The following PDRG1 variants were observed in gnomAD, a reference collection of about 807,000 sequenced individuals.
The protein encoded by PDRG1 is p53 and DNA damage-regulated protein 1.
Under a neutral mutation model 18.4 loss-of-function variants are expected in PDRG1, and 14 were observed. The observed-to-expected ratio is 0.76, with a 90% CI of 0.50 to 1.19. The LOEUF is 1.19. PDRG1 is among the 50% of genes most tolerant of loss of function. The pLI is 0.00. For synonymous variants in PDRG1, 65 were observed against 60.9 expected (o/e 1.07, Z -0.31); for missense variants, 177 against 160.1 (o/e 1.11, Z -0.57).
chr20:31,951,805 T>G, intron 1 of PDRG1, 70 bp downstream of exon 1: 1 of 1,482,484 alleles, frequency 6.7e-7, no homozygotes, highest in Non-Finnish European at 9.0e-7. Context: ...CCAGGTCAAC[T>G]CACTGCGACC....
intron 1 of PDRG1, among the ~76,000 whole-genome samples, chr20:31,950,858 G>A (rs1051121874): frequency 2.0e-5 from 3 of 152,142 alleles, no homozygotes; most frequent in Non-Finnish European, 4.4e-5. Flanking sequence ...AGGAAGTGAC[G>A]CAGTAGTACA....
intron 3 of PDRG1, among the ~76,000 whole-genome samples, chr20:31,947,106 C>T (rs2064324320): frequency 6.6e-6 from 1 of 152,214 alleles, no homozygotes; most frequent in African/African-American, 2.4e-5. Context: ...AGAAAAGGGT[C>T]TTCTAGTGTC....
chr20:31,946,376 A>G, intron 4 of PDRG1, 120 bp downstream of exon 4: 1 of 913,406 alleles, frequency 1.1e-6, no homozygotes, highest in Non-Finnish European at 1.8e-6. Context: ...CTCCAGGGCC[A>G]CTCACAGGCT....
At chr20:31,946,704 G>A in intron 3 of PDRG1, 128 bp from the exon 4 acceptor site, 1 of 772,346 alleles carries the variant, frequency 1.3e-6, no homozygotes, top group Admixed American at 2.1e-5. Flanking sequence ...GACATCAGAG[G>A]CCAACTGAGG....
At chr20:31,950,465 G>C (rs763906091) in intron 1 of PDRG1, 78 bp from the exon 2 acceptor site, 28 of 1,071,688 alleles carry the variant, frequency 2.6e-5, no homozygotes, top group Admixed American at 3.6e-5. Flanking sequence ...AAGGGTTGCA[G>C]AGGCAATGCA....
Position 31,951,998 on chromosome 20 carries a change from C to T in PDRG1, c.-37G>A. On this transcript the variant is annotated 5_prime_UTR_variant, in exon 1 of 5. Transcript: ENST00000202017. ...ACTCCGCTTGCGGCTCTCGCGCGAC[C>T]CCGGGATCTCCGCTTCGACTCCCGC... 3 of 1,502,040 alleles carry T rather than the reference C, an allele frequency of 2.0e-6. No individual in the cohort carries two copies. The highest frequency in any genetic ancestry group is 2.7e-6 in the Non-Finnish European group (3 of 1,128,752). The allele number at this position is 1,502,040 out of a possible 1,614,324, so 93.0% of individuals were successfully genotyped here.
rs113129323 is a variant in PDRG1 at position 31,945,437 on chromosome 20, C to G, written c.*370G>C. 2.9e-3 allele frequency: 521 copies of G among 179,862 alleles called. 2 individuals are homozygous for G. Among genetic ancestry groups the G allele is most frequent in the African/African-American group, 0.012 (510 of 42,386 alleles). The allele number at this position is 179,862 out of a possible 1,614,324, so 11.1% of individuals were successfully genotyped here. On this transcript the variant is annotated 3_prime_UTR_variant, in exon 5 of 5. Transcript: ENST00000202017. ...AGGAATGCTGGAATGACACTCCACT[C>G]TGCCCCTCCCTCCCTCCTTCCTTGC...
At chr20:31,950,557 T>G (rs2064346089) in intron 1 of PDRG1, among the ~76,000 whole-genome samples, 170 bp from the exon 2 acceptor site, 1 of 152,246 alleles carries the variant, frequency 6.6e-6, no homozygotes, top group African/African-American at 2.4e-5. Flanking sequence ...CTTCCTGGTC[T>G]TAAAGACAAT....
At chr20:31,951,686 G>A (rs1163732038) in intron 1 of PDRG1, among the ~76,000 whole-genome samples, 189 bp downstream of exon 1, 5 of 152,254 alleles carry the variant, frequency 3.3e-5, no homozygotes, top group Non-Finnish European at 7.3e-5. Context: ...GCAAGGGGCA[G>A]AGAAAGGATG....
At chr20:31,948,417 G>A (rs1016661009) in intron 3 of PDRG1, among the ~76,000 whole-genome samples, 1 of 152,238 alleles carries the variant, frequency 6.6e-6, no homozygotes, top group African/African-American at 2.4e-5. Context: ...ATGCTAAGGT[G>A]CCACTGCTGG....
chr20:31,951,541 T>G (rs371302396), intron 1 of PDRG1, among the ~76,000 whole-genome samples: 1 of 152,124 alleles, frequency 6.6e-6, no homozygotes, highest in African/African-American at 2.4e-5. Flanking sequence ...CAGGCTTCTT[T>G]TCGGTTCCAG....
chr20:31,948,697 G>A (rs1361570361), intron 3 of PDRG1, 111 bp downstream of exon 3: 1 of 984,188 alleles, frequency 1.0e-6, no homozygotes, highest in East Asian at 2.5e-5. Flanking sequence ...TGAACCCTGT[G>A]ACAGAACTGC....
intron 1 of PDRG1, 124 bp downstream of exon 1, chr20:31,951,751 T>C: frequency 9.8e-7 from 1 of 1,023,142 alleles, no homozygotes; most frequent in Middle Eastern, 3.2e-4. Context: ...CGGCCGAATA[T>C]TTATCGGCCC....
intron 3 of PDRG1, 136 bp from the exon 4 acceptor site, chr20:31,946,712 A>T: frequency 1.4e-6 from 1 of 738,256 alleles, no homozygotes. Flanking sequence ...AGGCCAACTG[A>T]GGAAGGATTA....
chr20:31,948,911 C>G, intron 2 of PDRG1, 29 bp from the exon 3 acceptor site: 3 of 1,606,620 alleles, frequency 1.9e-6, no homozygotes, highest in Non-Finnish European at 2.6e-6. Context: ...ATTCCTTCAA[C>G]AATTTTTTTT....
chr20:31,948,585 T>C (rs2064332887), intron 3 of PDRG1, among the ~76,000 whole-genome samples: 1 of 152,126 alleles, frequency 6.6e-6, no homozygotes, highest in Admixed American at 6.5e-5. Flanking sequence ...ACACATATTG[T>C]TTTACCTCAA....
rs1482001735 is a variant in PDRG1, at chr20:31,945,949, C to T, written c.320-60G>A. 1.4e-5 allele frequency: 20 copies of T among 1,426,766 alleles called. No homozygotes were observed. The highest frequency in any genetic ancestry group is 2.0e-5 in the Non-Finnish European group (20 of 1,018,042). 88.4% of individuals were successfully genotyped at this position (1,426,766 alleles called of 1,614,324 possible). A position where few individuals can be genotyped will look rare whatever the true frequency, so the allele number is the denominator to read the frequency against. The stretch of plus-strand genomic sequence containing the variant: ...CTCCTGCTGGCTCTGGAGCCAGGCC[C>T]AGGAAAGGGGCTGACGCTGCACTAA... On this transcript the variant is annotated intron_variant, in intron 4 of 4. Transcript: ENST00000202017.
At chr20:31,951,383 G>A (rs1009001249) in intron 1 of PDRG1, among the ~76,000 whole-genome samples, 1 of 152,210 alleles carries the variant, frequency 6.6e-6, no homozygotes, top group Non-Finnish European at 1.5e-5. Flanking sequence ...GCAGCCAGGG[G>A]GGATCCTTTT....
At chr20:31,949,023 G>A (rs911506464) in intron 2 of PDRG1, 141 bp from the exon 3 acceptor site, 12 of 691,336 alleles carry the variant, frequency 1.7e-5, no homozygotes, top group Non-Finnish European at 2.7e-5. Context: ...GTGGAGGAGA[G>A]AGAATAAAGA....
Sources: allele counts gnomAD v4.1 joint callset (sites outside exome capture counted in the v4.1 genomes callset), GRCh38; gene constraint gnomAD v4.1.1; transcripts MANE v1.5; gene names NCBI Gene and HGNC (gene_info 2026-07-23, HGNC 2026-07-21).